Variants in CAPN14 observed in about 807,000 individuals in gnomAD.
CAPN14 encodes calpain-14.
A neutral mutation model predicts 101.3 loss-of-function variants in CAPN14; 94 were observed. The observed-to-expected ratio is 0.93, with a 90% CI of 0.79 to 1.10. The LOEUF (loss-of-function observed/expected upper bound fraction) is 1.10. Ranked by LOEUF, CAPN14 falls within the 50% of genes least tolerant of loss-of-function variation. The pLI, the probability that CAPN14 is intolerant of heterozygous loss-of-function variation, is 0.00. For missense variants in CAPN14, 837 were observed against 828.4 expected (o/e 1.01, Z -0.13); for synonymous variants, 338 against 317.9 (o/e 1.06, Z -0.67).
rs1681380104 is a variant in CAPN14, at chr2:31,194,720, C to A, written c.876-237G>T. Among the ~76,000 whole-genome samples, 3 of 152,094 alleles carry A rather than the reference C, an allele frequency of 2.0e-5. No individual in the cohort carries two copies. In the South Asian group the frequency reaches 6.2e-4, roughly 32 times the overall value. Reference sequence around the variant, plus strand: ...AGGCTAACCACAACTTTGTTGTTTTCATGTTAGAGATTAGGAAACTGAAGT... The same window carrying A: ...AGGCTAACCACAACTTTGTTGTTTTAATGTTAGAGATTAGGAAACTGAAGT... On this transcript the variant is annotated intron_variant, in intron 8 of 21. Coordinates refer to ENST00000403897, the MANE Select transcript of CAPN14 (RefSeq NM_001145122.2).
chr2:31,207,326 A>G (rs1322978187), intron 1 of CAPN14, among the ~76,000 whole-genome samples: 2 of 152,092 alleles, frequency 1.3e-5, no homozygotes, highest in African/African-American at 4.8e-5. Context: ...TGTCTGCCCC[A>G]TTGGGCACCT....
rs1010258544 is a variant in CAPN14, at chr2:31,186,439, A to T, written c.1634T>A (p.Met545Lys). ...TCTAAAACACTTACTTGACCAGGTCATCTGGTTCAGGAGGTTCTGAAGTTG... is the reference window on the plus strand; with the variant it reads ...TCTAAAACACTTACTTGACCAGGTCTTCTGGTTCAGGAGGTTCTGAAGTTG... ...AVQLQNLLNQ[M>K]TWSSLGSRQP... The change falls in exon 16 of 22, where the codon ATG becomes AAG. Residue 545 changes from methionine to lysine, a missense_variant. Transcript: ENST00000403897. 16 of 1,549,226 alleles carry T rather than the reference A, an allele frequency of 1.0e-5. No homozygotes were observed. In the Admixed American group the frequency reaches 2.2e-4, roughly 21 times the overall value.
chr2:31,196,175 C>T (rs1681463427), intron 8 of CAPN14, among the ~76,000 whole-genome samples: 1 of 152,114 alleles, frequency 6.6e-6, no homozygotes, highest in African/African-American at 2.4e-5. Flanking sequence ...TTAAACACTA[C>T]AAAATAAAAG....
At chr2:31,207,937 A>G (rs1339045080) in intron 1 of CAPN14, among the ~76,000 whole-genome samples, 1 of 152,214 alleles carries the variant, frequency 6.6e-6, no homozygotes, top group Non-Finnish European at 1.5e-5. Flanking sequence ...ATGTATGCAC[A>G]GAAGCCTCTT....
chr2:31,183,017 T>C (rs953125439), intron 16 of CAPN14, among the ~76,000 whole-genome samples: 7 of 152,106 alleles, frequency 4.6e-5, no homozygotes, highest in Non-Finnish European at 8.8e-5. Context: ...AACAGAGCCC[T>C]CAGAAATAAC....
At position 31,178,433 on chromosome 2, in the gene CAPN14, G is replaced by C; in HGVS notation, c.1779+78C>G. The C allele has an allele frequency of 3.6e-6, 4 of 1,113,516 alleles. No individual in the cohort carries two copies. The South Asian group carries it at 5.3e-5, about 15-fold the overall frequency. The allele number at this position is 1,113,516 out of a possible 1,614,324, so 69.0% of individuals were successfully genotyped here. A position where few individuals can be genotyped will look rare whatever the true frequency, so the allele number is the denominator to read the frequency against. On this transcript the variant is annotated intron_variant, in intron 18 of 21. Transcript: ENST00000403897. ...TGGATATAAAGGGCTGAAGGGGACA[G>C]AAGTATCTTCTACAGCTTTGCAGAA...
rs1572419127 is a variant in CAPN14 at position 31,201,792 on chromosome 2, T to G, written c.551+70A>C. The G allele has an allele frequency of 1.6e-5, 24 of 1,524,408 alleles. No homozygotes were observed. In the South Asian group the frequency reaches 2.8e-4, roughly 18 times the overall value. 94.4% of individuals were successfully genotyped at this position (1,524,408 alleles called of 1,614,324 possible). On this transcript the variant is annotated intron_variant, in intron 5 of 21. Transcript: ENST00000403897. Reference sequence around the variant, plus strand: ...TTTCATAAACTTTACCTGACTCCACTCCCCTCCCTCAACATTGAGAGAGAG... The same window carrying G: ...TTTCATAAACTTTACCTGACTCCACGCCCCTCCCTCAACATTGAGAGAGAG...
rs1363189037 is a variant in CAPN14 at position 31,186,436 on chromosome 2, G to T, written c.1637C>A (p.Thr546Asn). 3 of 1,548,518 alleles carry T rather than the reference G, an allele frequency of 1.9e-6. No individual in the cohort carries two copies. Among genetic ancestry groups the T allele is most frequent in the East Asian group, 2.5e-5 (1 of 40,666 alleles). ...VQLQNLLNQM[T>N]WSSLGSRQPF... ...GGCTCTAAAACACTTACTTGACCAGGTCATCTGGTTCAGGAGGTTCTGAAG... is the reference window on the plus strand; with the variant it reads ...GGCTCTAAAACACTTACTTGACCAGTTCATCTGGTTCAGGAGGTTCTGAAG... The change falls in exon 16 of 22, where the codon ACC becomes AAC. Residue 546 changes from threonine (T) to asparagine (N), a missense_variant. Coordinates refer to ENST00000403897, the MANE Select transcript of CAPN14 (RefSeq NM_001145122.2).
At chr2:31,229,114 A>G (rs1466787714) in intron 1 of CAPN14, among the ~76,000 whole-genome samples, 7 of 152,188 alleles carry the variant, frequency 4.6e-5, no homozygotes, top group Admixed American at 4.6e-4. Context: ...TTTGGCTTGC[A>G]TTTGTGTATA....
At position 31,178,514 on chromosome 2, in the gene CAPN14, A is replaced by T. The variant is rs1299399877; in HGVS notation, c.1776T>A (p.Ser592=). 1 of 1,550,420 alleles carries T rather than the reference A, an allele frequency of 6.4e-7. No individual in the cohort carries two copies. The highest frequency in any genetic ancestry group is 1.4e-5 in the African/African-American group (1 of 72,992). ...FRDLWKQLKL[S]QKVFHKQDRG... is the part of the protein sequence containing the mutation. ...TGTGGTTAAGACTTGTTCTTACCTG[A>T]GAGAGCTTCAGCTGCTTCCACAGGT... is the stretch of plus-strand genomic sequence containing the variant. The change falls in exon 18 of 22, where the codon TCT becomes TCA. Residue 592 remains serine, a synonymous_variant. Coordinates refer to ENST00000403897, the MANE Select transcript of CAPN14 (RefSeq NM_001145122.2).
upstream of CAPN14, chr2:31,217,566 G>A (rs1246929541): frequency 6.6e-6 from 1 of 152,254 alleles, no homozygotes; most frequent in Admixed American, 6.5e-5. Context: ...TCTACACATG[G>A]TGTTTAGCCA....
rs1388155567 is a variant in CAPN14 at position 31,192,079 on chromosome 2, C to T, written c.1134G>A (p.Pro378=). The T allele has an allele frequency of 1.0e-5, 16 of 1,549,070 alleles. No individual in the cohort carries two copies. Among genetic ancestry groups the T allele is most frequent in the East Asian group, 4.9e-5 (2 of 40,908 alleles). ...GCCTCCAGACAGACAGCAGGAACTG[C>T]GGGTTCTTCCAAAATGTGTCTGGAG... ...QLLQDTFWKN[P]QFLLSVWRPE... Residue 378 remains proline, a synonymous_variant, in exon 11 of 22, where the codon CCG becomes CCA. Transcript: ENST00000403897.
intron 16 of CAPN14, among the ~76,000 whole-genome samples, chr2:31,181,498 C>T (rs1434013634): frequency 1.6e-4 from 14 of 89,786 alleles, no homozygotes; most frequent in South Asian, 1.0e-3. Context: ...TCTCTCTTTC[C>T]TTTCTTTCTT....
At chr2:31,178,768 G>GA (rs1680439603) in intron 17 of CAPN14, among the ~76,000 whole-genome samples, 189 bp from the exon 18 acceptor site, 1 of 151,958 alleles carries the variant, frequency 6.6e-6, no homozygotes, top group African/African-American at 2.4e-5. Context: ...CTCTTGCTAG[G>GA]AAAAAACAGA....
chr2:31,231,734 T>C (rs1683198335), intron 1 of CAPN14, among the ~76,000 whole-genome samples: 1 of 152,174 alleles, frequency 6.6e-6, no homozygotes, highest in Non-Finnish European at 1.5e-5. Context: ...TTGATTTCTT[T>C]CCTGTCACGC....
chr2:31,210,447 C>CA (rs1243725405), intron 1 of CAPN14, among the ~76,000 whole-genome samples: 1 of 107,356 alleles, frequency 9.3e-6, no homozygotes, highest in Non-Finnish European at 1.8e-5. Context: ...GTCTCCATCT[C>CA]AAAAAAATAA....
At chr2:31,205,023 C>T (rs1383030280) in intron 2 of CAPN14, among the ~76,000 whole-genome samples, 200 bp downstream of exon 2, 1 of 152,248 alleles carries the variant, frequency 6.6e-6, no homozygotes, top group South Asian at 2.1e-4. Flanking sequence ...TTACAGAATA[C>T]CCAGATGGTG....
chr2:31,231,638 G>A (rs905710453), intron 1 of CAPN14, among the ~76,000 whole-genome samples: 4 of 152,198 alleles, frequency 2.6e-5, no homozygotes, highest in Non-Finnish European at 4.4e-5. Context: ...TGGTAAATTA[G>A]ATATTCGGAA....
intron 7 of CAPN14, 33 bp downstream of exon 7, chr2:31,199,437 G>A: frequency 6.5e-7 from 1 of 1,536,432 alleles, no homozygotes; most frequent in Non-Finnish European, 8.8e-7. Context: ...GGGCAAGGCT[G>A]AGAGGGAAAC....
Sources: gnomAD v4.1 joint callset for allele counts (sites outside exome capture counted in the v4.1 genomes callset) on GRCh38, gnomAD v4.1.1 for gene constraint, MANE v1.5 for transcripts, NCBI Gene and HGNC (gene_info 2026-07-23, HGNC 2026-07-21) for gene names.